Variants in MFHAS1 observed in about 807,000 individuals in gnomAD.
The protein encoded by MFHAS1 is malignant fibrous histiocytoma-amplified sequence 1.
MFHAS1 carries 50 observed loss-of-function variants against 70.4 expected under a neutral mutation model. The ratio of observed to expected loss-of-function variants is 0.71; its 90% CI spans 0.57 to 0.90. The LOEUF is 0.90. Among genes scored for constraint, MFHAS1 ranks in the 40% least tolerant of loss-of-function variants. The pLI is 0.00. For synonymous variants in MFHAS1, 952 were observed against 620.0 expected (o/e 1.54, Z -7.96); for missense variants, 1,795 against 1,347.6 (o/e 1.33, Z -5.20).
At chr8:8,871,207 G>A (rs547457838) in intron 1 of MFHAS1, among the ~76,000 whole-genome samples, 168 of 152,246 alleles carry the variant, frequency 1.1e-3, no homozygotes, top group African/African-American at 3.4e-3. Flanking sequence ...CTGTAAACCA[G>A]GATGATGGTA....
chr8:8,810,284 T>A (rs1461583096), intron 1 of MFHAS1, among the ~76,000 whole-genome samples: 1 of 152,228 alleles, frequency 6.6e-6, no homozygotes, highest in Non-Finnish European at 1.5e-5. Flanking sequence ...GAGAATCGCT[T>A]GAACCTGGGA....
intron 1 of MFHAS1, among the ~76,000 whole-genome samples, chr8:8,828,144 T>C (rs1411962652): frequency 2.6e-5 from 4 of 152,200 alleles, no homozygotes; most frequent in Non-Finnish European, 5.9e-5. Flanking sequence ...AATGTTTCAG[T>C]GAATGATGCT....
intron 1 of MFHAS1, among the ~76,000 whole-genome samples, chr8:8,867,792 C>T (rs925871643): frequency 6.6e-6 from 1 of 152,028 alleles, no homozygotes; most frequent in Non-Finnish European, 1.5e-5. Flanking sequence ...CTCCTGACCT[C>T]GTGATGGGCC....
intron 2 of MFHAS1, chr8:8,790,277 AG>A: frequency 1.5e-6 from 1 of 656,850 alleles, no homozygotes; most frequent in Non-Finnish European, 1.9e-6. Flanking sequence ...AGTCCTCAAG[AG>A]GGCCTTACCT....
Position 8,839,184 on chromosome 8 carries a change from TA to T in MFHAS1, c.2999-41694del, listed in dbSNP as rs892495155. ...AAATTAAACCTGGGGAAGAGAGAAT[TA>T]AAAAAAAAATAAGGACTATAAAAGA... On this transcript the variant is annotated intron_variant, in intron 1 of 2. Coordinates refer to ENST00000276282, the MANE Select transcript of MFHAS1 (RefSeq NM_004225.3). 1.8e-4 allele frequency among the ~76,000 whole-genome samples: 27 copies of T among 148,576 alleles called. 1 individual carries two copies. Among genetic ancestry groups the T allele is most frequent in the Middle Eastern group, 3.4e-3 (1 of 290 alleles).
chr8:8,839,603 G>C (rs933743464), intron 1 of MFHAS1, among the ~76,000 whole-genome samples: 3 of 152,168 alleles, frequency 2.0e-5, no homozygotes, highest in Non-Finnish European at 4.4e-5. Context: ...CATCTCATAA[G>C]CTTGCTCTGC....
At chr8:8,800,818 C>A (rs1433595270) in intron 1 of MFHAS1, among the ~76,000 whole-genome samples, 4 of 152,150 alleles carry the variant, frequency 2.6e-5, no homozygotes, top group African/African-American at 4.8e-5. Context: ...ACAGCAGATG[C>A]CAAGCCCCTG....
At chr8:8,886,113 C>G (rs1291645948) in intron 1 of MFHAS1, among the ~76,000 whole-genome samples, 1 of 151,994 alleles carries the variant, frequency 6.6e-6, no homozygotes, top group South Asian at 2.1e-4. Context: ...TAGGTCTTCT[C>G]TCTGACAATG....
In MFHAS1 at chr8:8,892,594, G is replaced by T; in HGVS notation, c.465C>A (p.Gly155=). The T allele has an allele frequency of 6.2e-7, 1 of 1,609,002 alleles. No individual in the cohort carries two copies. Among genetic ancestry groups the T allele is most frequent in the Non-Finnish European group, 8.5e-7 (1 of 1,178,156 alleles). The part of the protein sequence containing the change: ...NQLPALPAQL[G]ALAHLEELDV... ...CCAGCTCCTCCAGGTGAGCGAGAGCGCCCAGCTGGGCGGGCAGGGCGGGCA... is the reference window on the plus strand; with the variant it reads ...CCAGCTCCTCCAGGTGAGCGAGAGCTCCCAGCTGGGCGGGCAGGGCGGGCA... Residue 155 remains glycine, a synonymous_variant, in exon 1 of 3, where the codon GGC becomes GGA. Transcript: ENST00000276282. The surrounding 1 kb of genome is among the most constrained non-coding windows in gnomAD (Gnocchi z 4.7).
chr8:8,869,314 T>G (rs1319055316), intron 1 of MFHAS1, among the ~76,000 whole-genome samples: 1 of 152,200 alleles, frequency 6.6e-6, no homozygotes, highest in African/African-American at 2.4e-5. Flanking sequence ...GCACTACCAC[T>G]GAAAATAAGC....
At chr8:8,798,765 C>G (rs570654399) in intron 1 of MFHAS1, among the ~76,000 whole-genome samples, 1 of 152,086 alleles carries the variant, frequency 6.6e-6, no homozygotes, top group Non-Finnish European at 1.5e-5. Context: ...CTAGAGACTC[C>G]GGGCTGGGCG....
rs113182218 is a variant in MFHAS1, at chr8:8,797,746, A to T, written c.2999-255T>A. 2.0e-5 allele frequency among the ~76,000 whole-genome samples: 3 copies of T among 152,328 alleles called. No individual in the cohort carries two copies. In the South Asian group the frequency reaches 6.2e-4, roughly 32 times the overall value. On this transcript the variant is annotated intron_variant, in intron 1 of 2. Transcript: ENST00000276282. Reference sequence around the variant, plus strand: ...AGGAAGGCCCACACTAGACAAAGACAGCATCTGTCACTGCTCTGCTCACCT... The same window carrying T: ...AGGAAGGCCCACACTAGACAAAGACTGCATCTGTCACTGCTCTGCTCACCT...
chr8:8,804,781 T>G (rs190077329), intron 1 of MFHAS1, among the ~76,000 whole-genome samples: 2 of 152,336 alleles, frequency 1.3e-5, no homozygotes, highest in East Asian at 1.9e-4. Context: ...AGGGAAGCCG[T>G]GCCAGGCCCA....
At chr8:8,808,642 G>C (rs1806428317) in intron 1 of MFHAS1, among the ~76,000 whole-genome samples, 1 of 152,198 alleles carries the variant, frequency 6.6e-6, no homozygotes, top group Admixed American at 6.5e-5. Context: ...ATAAATCCAT[G>C]CTAGTTTTGC....
intron 1 of MFHAS1, among the ~76,000 whole-genome samples, chr8:8,853,817 C>G (rs555773499): frequency 6.6e-6 from 1 of 152,126 alleles, no homozygotes; most frequent in East Asian, 1.9e-4. Flanking sequence ...CCCCCTACTT[C>G]GGCCTCCCAA....
At chr8:8,830,249 G>A (rs10091646) in intron 1 of MFHAS1, among the ~76,000 whole-genome samples, 18,593 of 152,176 alleles carry the variant, frequency 0.12, 1,193 homozygotes, top group Middle Eastern at 0.16. Flanking sequence ...AGGAAGAAAT[G>A]ACTGTAAAAA....
intron 1 of MFHAS1, among the ~76,000 whole-genome samples, chr8:8,874,365 CACACACACAT>C (rs1211884322): frequency 7.2e-6 from 1 of 138,798 alleles, no homozygotes; most frequent in Non-Finnish European, 1.6e-5. Context: ...CACACACACA[CACACACACAT>C]AATAATCTTC....
intron 1 of MFHAS1, among the ~76,000 whole-genome samples, chr8:8,841,496 T>A (rs1807823511): frequency 6.6e-6 from 1 of 152,082 alleles, no homozygotes; most frequent in Non-Finnish European, 1.5e-5. Context: ...CTTTTTGTTG[T>A]TTGCTGGGAA....
chr8:8,851,109 T>A (rs566134823), intron 1 of MFHAS1, among the ~76,000 whole-genome samples: 6 of 152,222 alleles, frequency 3.9e-5, no homozygotes, highest in African/African-American at 1.4e-4. Context: ...ATCCCAAGGC[T>A]AGATGAATTA....
Sources: gnomAD v4.1 joint callset for allele counts (sites outside exome capture counted in the v4.1 genomes callset) on GRCh38, gnomAD v4.1.1 for gene constraint, Gnocchi (gnomAD v3.1) non-coding constraint, MANE v1.5 for transcripts, NCBI Gene and HGNC (gene_info 2026-07-23, HGNC 2026-07-21) for gene names.